The following NXPH2 variants were observed in gnomAD, a reference collection of about 807,000 sequenced individuals.
NXPH2 encodes neurexophilin 2, also known as neurexophilin-2.
In NXPH2, 5 loss-of-function variants were observed where a neutral mutation model predicts 19.8. That is an observed-to-expected ratio of 0.25 (90% CI 0.13 to 0.53). The LOEUF is 0.53. NXPH2 is among the 20% of genes least tolerant of loss of function. The pLI is 0.96. For missense variants in NXPH2, 289 were observed against 322.8 expected, an observed-to-expected ratio of 0.90 and a Z score of 0.80; for synonymous variants, 154 against 127.4, an observed-to-expected ratio of 1.21 and a Z score of -1.41.
At chr2:138,761,269 C>T (rs1682010661) in intron 1 of NXPH2, among the ~76,000 whole-genome samples, 1 of 152,142 alleles carries the variant, frequency 6.6e-6, no homozygotes, top group Admixed American at 6.5e-5. Flanking sequence ...CCATTGCTAA[C>T]CCCTACATCA....
chr2:138,669,638 G>A lies in NXPH2; in HGVS notation c.*1284C>T, dbSNP rs1183447053. Among the ~76,000 whole-genome samples, 1 of 152,130 alleles carries A rather than the reference G, an allele frequency of 6.6e-6. No individual in the cohort carries two copies. The highest frequency in any genetic ancestry group is 1.9e-4 in the East Asian group (1 of 5,190). ...GAAGTTAACATCTATTGTAAAAGGA[G>A]TGACCATTCCATGAGCGTCCTGAGT... On this transcript the variant is annotated 3_prime_UTR_variant, in exon 2 of 2. Coordinates refer to ENST00000272641, the MANE Select transcript of NXPH2 (RefSeq NM_007226.3).
intron 1 of NXPH2, among the ~76,000 whole-genome samples, chr2:138,730,560 C>A (rs1415726882): frequency 6.6e-6 from 1 of 152,110 alleles, no homozygotes; most frequent in African/African-American, 2.4e-5. Context: ...TACACTGAGG[C>A]ACCATGCTAT....
At chr2:138,695,720 A>T (rs1347985960) in intron 1 of NXPH2, among the ~76,000 whole-genome samples, 1 of 152,208 alleles carries the variant, frequency 6.6e-6, no homozygotes, top group Non-Finnish European at 1.5e-5. Context: ...TCAGATAAAG[A>T]GATTTTACAT....
At chr2:138,767,147 T>A (rs1271389802) in intron 1 of NXPH2, among the ~76,000 whole-genome samples, 1 of 152,244 alleles carries the variant, frequency 6.6e-6, no homozygotes, top group Non-Finnish European at 1.5e-5. Context: ...AAATCTTTCA[T>A]GCTTTGAATA....
chr2:138,771,115 A>C (rs1037686441), intron 1 of NXPH2, among the ~76,000 whole-genome samples: 4 of 152,120 alleles, frequency 2.6e-5, no homozygotes, highest in African/African-American at 9.6e-5. Context: ...AATTGAACCA[A>C]CATTTTCAAT....
intron 1 of NXPH2, among the ~76,000 whole-genome samples, chr2:138,707,107 A>AAAAAAAAAAAAAAAAACAAAAAAAAAAC (rs1558918445): frequency 2.0e-5 from 3 of 146,620 alleles, no homozygotes; most frequent in Admixed American, 6.8e-5. Context: ...AAAAAAAAAA[A>AAAAAAAAAAAAAAAAACAAAAAAAAAAC]AAAAAGAGCA....
At chr2:138,726,529 C>T in intron 1 of NXPH2, among the ~76,000 whole-genome samples, 1 of 148,086 alleles carries the variant, frequency 6.8e-6, no homozygotes. Context: ...AACACACACA[C>T]ACACACACAC....
At chr2:138,731,138 C>T (rs959232573) in intron 1 of NXPH2, among the ~76,000 whole-genome samples, 2 of 152,256 alleles carry the variant, frequency 1.3e-5, no homozygotes, top group Middle Eastern at 3.4e-3. Context: ...CTGCTGCCTC[C>T]ATTGTGCTGC....
intron 1 of NXPH2, among the ~76,000 whole-genome samples, chr2:138,731,953 T>C (rs1028692977): frequency 1.3e-5 from 2 of 152,216 alleles, no homozygotes; most frequent in African/African-American, 2.4e-5. Flanking sequence ...TTGATCCATA[T>C]GCATGCACTT....
chr2:138,672,350 T>C (rs1303054647), intron 1 of NXPH2, among the ~76,000 whole-genome samples: 2 of 152,224 alleles, frequency 1.3e-5, no homozygotes, highest in Non-Finnish European at 2.9e-5. Context: ...TAAATTTTAT[T>C]ACAACTGAAT....
chr2:138,679,592 G>T lies in NXPH2; in HGVS notation c.52-7927C>A, dbSNP rs142434742. 2.5e-3 allele frequency among the ~76,000 whole-genome samples: 382 copies of T among 152,042 alleles called. 1 individual carries two copies. The highest frequency in any genetic ancestry group is 8.6e-3 in the African/African-American group (355 of 41,462). On this transcript the variant is annotated intron_variant, in intron 1 of 1. Coordinates refer to ENST00000272641, the MANE Select transcript of NXPH2 (RefSeq NM_007226.3). Reference sequence around the variant, plus strand: ...ATTTTGTATTTTTACTAGAGACGAGGTTTCTCCATGTTGTTCATGCTGGTC... The same window carrying T: ...ATTTTGTATTTTTACTAGAGACGAGTTTTCTCCATGTTGTTCATGCTGGTC...
intron 1 of NXPH2, among the ~76,000 whole-genome samples, chr2:138,774,160 A>G (rs1682222502): frequency 6.6e-6 from 1 of 152,196 alleles, no homozygotes; most frequent in Non-Finnish European, 1.5e-5. Context: ...TTTAACTGAG[A>G]GTCAATTTTC....
intron 1 of NXPH2, among the ~76,000 whole-genome samples, chr2:138,778,465 AT>A (rs1205071586): frequency 6.6e-6 from 1 of 152,158 alleles, no homozygotes; most frequent in Non-Finnish European, 1.5e-5. Context: ...GAAAAAAAAA[AT>A]ATCTAACATT....
chr2:138,711,276 G>A (rs960432372), intron 1 of NXPH2, among the ~76,000 whole-genome samples: 4 of 151,360 alleles, frequency 2.6e-5, no homozygotes. Flanking sequence ...GAGTAGCTGG[G>A]ATTACAGGCA....
At chr2:138,726,339 C>G (rs1240955577) in intron 1 of NXPH2, among the ~76,000 whole-genome samples, 3 of 152,096 alleles carry the variant, frequency 2.0e-5, no homozygotes, top group African/African-American at 7.2e-5. Context: ...GCCACCAGGT[C>G]GGCCTGCCAA....
chr2:138,679,709 A>G (rs894536426), intron 1 of NXPH2, among the ~76,000 whole-genome samples: 1 of 152,164 alleles, frequency 6.6e-6, no homozygotes, highest in Non-Finnish European at 1.5e-5. Flanking sequence ...CGAGGCCTGA[A>G]TATATGCCCT....
intron 1 of NXPH2, among the ~76,000 whole-genome samples, chr2:138,696,417 T>C (rs1362628763): frequency 6.6e-6 from 1 of 152,078 alleles, no homozygotes; most frequent in Admixed American, 6.6e-5. Context: ...CCACTCCATG[T>C]CAAAAAATGG....
intron 1 of NXPH2, among the ~76,000 whole-genome samples, chr2:138,678,428 CTGT>C (rs1279913987): frequency 1.3e-5 from 2 of 151,862 alleles, no homozygotes; most frequent in Non-Finnish European, 2.9e-5. Context: ...GGGTTGCAGA[CTGT>C]TGTTATTATA....
At chr2:138,743,640 C>T (rs1681678265) in intron 1 of NXPH2, among the ~76,000 whole-genome samples, 1 of 152,074 alleles carries the variant, frequency 6.6e-6, no homozygotes, top group Non-Finnish European at 1.5e-5. Flanking sequence ...CTGAAACCCA[C>T]AGAATAAGAC....
Sources: allele counts gnomAD v4.1 joint callset (sites outside exome capture counted in the v4.1 genomes callset), GRCh38; gene constraint gnomAD v4.1.1; transcripts MANE v1.5; gene names NCBI Gene and HGNC (gene_info 2026-07-23, HGNC 2026-07-21).